DCDC1: variants seen among roughly 807,000 people sequenced by gnomAD.
DCDC1 encodes the protein doublecortin domain containing 1, also known as doublecortin domain-containing protein 1.
Under a neutral mutation model 178.3 loss-of-function variants are expected in DCDC1, and 200 were observed. That is an observed-to-expected ratio of 1.12 (90% CI 1.00 to 1.26). DCDC1 has a LOEUF of 1.26. Among genes scored for constraint, DCDC1 ranks in the 50% most tolerant of loss-of-function variants. The pLI is 0.00. For missense variants in DCDC1, 1,983 were observed against 1,749.2 expected (o/e 1.13, Z -2.38); for synonymous variants, 690 against 604.8 (o/e 1.14, Z -2.07).
At chr11:31,168,074 A>G (rs536611168) in intron 9 of DCDC1, among the ~76,000 whole-genome samples, 3 of 152,320 alleles carry the variant, frequency 2.0e-5, no homozygotes, top group African/African-American at 7.2e-5. Context: ...TCATCTTTTG[A>G]GTTTGAAGTC....
Position 30,894,316 on chromosome 11 carries a change from C to A in DCDC1, c.4834G>T (p.Val1612Phe), listed in dbSNP as rs373790828. The A allele has an allele frequency of 6.2e-7, 1 of 1,613,934 alleles. No individual in the cohort carries two copies. The highest frequency in any genetic ancestry group is 8.5e-7 in the Non-Finnish European group (1 of 1,179,832). The change falls in exon 35 of 39, where the codon GTT becomes TTT. Residue 1612 changes from valine to phenylalanine, a missense_variant. Transcript: ENST00000684477. ...PTKSPVQPVVVEGGWTEQTQQ... is the reference protein window; with the variant it reads ...PTKSPVQPVVFEGGWTEQTQQ... ...GTCTGTTCGGTCCAGCCTCCTTCAA[C>A]CACCACGGGCTGCACAGGGCTCTTG...
intron 20 of DCDC1, among the ~76,000 whole-genome samples, chr11:30,972,877 G>T (rs575284431): frequency 6.6e-6 from 1 of 152,120 alleles, no homozygotes; most frequent in Non-Finnish European, 1.5e-5. Flanking sequence ...TGGTCCTGGT[G>T]GGAGGTGACT....
chr11:30,996,606 C>T (rs148943467), intron 20 of DCDC1, among the ~76,000 whole-genome samples: 25 of 152,210 alleles, frequency 1.6e-4, no homozygotes, highest in South Asian at 8.3e-4. Flanking sequence ...TTCTGCCTTG[C>T]GGGGACACAA....
chr11:31,183,448 A>G (rs1225099347), intron 9 of DCDC1, among the ~76,000 whole-genome samples: 1 of 152,204 alleles, frequency 6.6e-6, no homozygotes, highest in Non-Finnish European at 1.5e-5. Context: ...ACTCACTCAA[A>G]ACTGCACAAC....
intron 1 of DCDC1, among the ~76,000 whole-genome samples, chr11:31,343,491 G>A (rs148071509): frequency 0.02 from 3,108 of 152,170 alleles, 95 homozygotes; most frequent in African/African-American, 0.07. Flanking sequence ...ATTTTTAGTA[G>A]AGATGGGGTT....
intron 33 of DCDC1, among the ~76,000 whole-genome samples, chr11:30,899,993 A>C (rs1186047922): frequency 6.6e-6 from 1 of 152,178 alleles, no homozygotes; most frequent in East Asian, 1.9e-4. Flanking sequence ...TGCAATTCTT[A>C]AAAATGAAAA....
At chr11:31,100,848 T>C (rs1958460451) in intron 15 of DCDC1, among the ~76,000 whole-genome samples, 1 of 152,166 alleles carries the variant, frequency 6.6e-6, no homozygotes, top group Non-Finnish European at 1.5e-5. Context: ...AAAAATCTAA[T>C]GATGAATACC....
intron 20 of DCDC1, among the ~76,000 whole-genome samples, chr11:31,027,016 T>C (rs139975961): frequency 6.6e-6 from 1 of 151,854 alleles, no homozygotes; most frequent in East Asian, 1.9e-4. Context: ...TCAACTTCAT[T>C]GCATACTTCC....
intron 32 of DCDC1, among the ~76,000 whole-genome samples, chr11:30,902,952 T>C (rs2134122307): frequency 6.6e-6 from 1 of 152,160 alleles, no homozygotes; most frequent in South Asian, 2.1e-4. Context: ...TGTCCAAAAA[T>C]GCAATAGATG....
intron 15 of DCDC1, among the ~76,000 whole-genome samples, chr11:31,094,558 C>A (rs1958027155): frequency 6.6e-6 from 1 of 151,876 alleles, no homozygotes; most frequent in Admixed American, 6.6e-5. Flanking sequence ...GCTGGAGTAA[C>A]CTAAAGGTGG....
At chr11:30,988,360 G>C (rs1950773907) in intron 20 of DCDC1, among the ~76,000 whole-genome samples, 1 of 152,066 alleles carries the variant, frequency 6.6e-6, no homozygotes, top group South Asian at 2.1e-4. Flanking sequence ...AATAGGTATT[G>C]GGATGGGGCT....
intron 9 of DCDC1, among the ~76,000 whole-genome samples, chr11:31,204,871 G>A (rs1195914119): frequency 3.3e-5 from 5 of 151,958 alleles, no homozygotes; most frequent in African/African-American, 1.2e-4. Context: ...AATTCAAATG[G>A]CTAATGGCTC....
At chr11:30,968,517 A>G (rs1016477878) in intron 20 of DCDC1, among the ~76,000 whole-genome samples, 4 of 151,662 alleles carry the variant, frequency 2.6e-5, no homozygotes, top group African/African-American at 9.7e-5. Context: ...GCATATTGTT[A>G]TAATTGTTCT....
chr11:31,000,273 A>G (rs1372901850), intron 20 of DCDC1, among the ~76,000 whole-genome samples: 1 of 152,224 alleles, frequency 6.6e-6, no homozygotes, highest in African/African-American at 2.4e-5. Context: ...AGAATTCAGT[A>G]TAATTGTCTT....
At chr11:31,238,810 T>C (rs1298054436) in intron 9 of DCDC1, among the ~76,000 whole-genome samples, 1 of 152,156 alleles carries the variant, frequency 6.6e-6, no homozygotes, top group Non-Finnish European at 1.5e-5. Context: ...TAAGTGACTT[T>C]GTGCTGTTCT....
chr11:30,969,182 G>A (rs567965343), intron 20 of DCDC1, among the ~76,000 whole-genome samples: 1 of 152,088 alleles, frequency 6.6e-6, no homozygotes, highest in Admixed American at 6.6e-5. Context: ...TATTACTTTA[G>A]AGGCAAAATT....
At chr11:31,310,299 T>G (rs1206557254) in intron 3 of DCDC1, among the ~76,000 whole-genome samples, 1 of 139,568 alleles carries the variant, frequency 7.2e-6, no homozygotes, top group African/African-American at 2.8e-5. Context: ...AGGTTTTCAG[T>G]AATTCTTGAT....
chr11:31,119,002 G>A (rs1286691505), intron 11 of DCDC1, among the ~76,000 whole-genome samples: 1 of 152,136 alleles, frequency 6.6e-6, no homozygotes, highest in Non-Finnish European at 1.5e-5. Context: ...GAATATACTG[G>A]CATTTTCCCC....
intron 15 of DCDC1, among the ~76,000 whole-genome samples, chr11:31,097,856 C>T (rs1958251816): frequency 6.6e-6 from 1 of 152,148 alleles, no homozygotes; most frequent in Non-Finnish European, 1.5e-5. Context: ...AGTTGTTTGT[C>T]GTTTCCCAGC....
Sources: allele counts gnomAD v4.1 joint callset (sites outside exome capture counted in the v4.1 genomes callset), GRCh38; gene constraint gnomAD v4.1.1; transcripts MANE v1.5; gene names NCBI Gene and HGNC (gene_info 2026-07-23, HGNC 2026-07-21).